Variants in CSMD3 observed in about 807,000 individuals in gnomAD.
The protein encoded by CSMD3 is CUB and Sushi multiple domains 3.
A neutral mutation model predicts 435.2 loss-of-function variants in CSMD3; 177 were observed. That is an observed-to-expected ratio of 0.41 (90% CI 0.36 to 0.46). The LOEUF is 0.46. CSMD3 is among the 20% of genes least tolerant of loss of function. CSMD3 has a pLI of 0.34. For synonymous variants in CSMD3, 1,656 were observed against 1,520.5 expected (o/e 1.09, Z -2.07); for missense variants, 4,265 against 4,504.6 (o/e 0.95, Z 1.52).
intron 32 of CSMD3, among the ~76,000 whole-genome samples, chr8:112,430,094 G>T (rs1345431111): frequency 6.6e-6 from 1 of 151,994 alleles, no homozygotes; most frequent in African/African-American, 2.4e-5. Context: ...ATCCAAGGCT[G>T]GGAGAAAAGC....
intron 23 of CSMD3, among the ~76,000 whole-genome samples, chr8:112,585,337 A>T (rs528193512): frequency 2.2e-3 from 332 of 151,482 alleles, no homozygotes; most frequent in African/African-American, 7.6e-3. Context: ...GAGGACATAA[A>T]TTTTTTAACT....
chr8:112,385,879 T>C (rs1442350638), intron 36 of CSMD3, among the ~76,000 whole-genome samples: 1 of 151,860 alleles, frequency 6.6e-6, no homozygotes, highest in East Asian at 1.9e-4. Flanking sequence ...GTCTAGTGTA[T>C]ATAGCTGAAT....
intron 16 of CSMD3, among the ~76,000 whole-genome samples, chr8:112,680,305 C>CA (rs566327763): frequency 4.3e-4 from 66 of 152,286 alleles, no homozygotes; most frequent in African/African-American, 1.5e-3. Context: ...TTGCAGTCAG[C>CA]AGAAATGGTG....
intron 5 of CSMD3, among the ~76,000 whole-genome samples, chr8:113,042,398 A>G (rs763977471): frequency 3.8e-4 from 58 of 152,294 alleles, no homozygotes; most frequent in Non-Finnish European, 1.5e-4. Context: ...CTTCTTTAAT[A>G]TCTCTCAGTG....
At chr8:112,551,807 A>G (rs1375409015) in intron 26 of CSMD3, among the ~76,000 whole-genome samples, 1 of 152,056 alleles carries the variant, frequency 6.6e-6, no homozygotes, top group African/African-American at 2.4e-5. Context: ...TTGTATATAA[A>G]TGGAATTTAT....
At chr8:113,194,239 G>C (rs182079276) in intron 3 of CSMD3, among the ~76,000 whole-genome samples, 278 of 151,262 alleles carry the variant, frequency 1.8e-3, no homozygotes, top group East Asian at 9.0e-3. Context: ...AAACTACATA[G>C]TGAAATATAC....
At chr8:113,266,736 A>C (rs558403318) in intron 3 of CSMD3, among the ~76,000 whole-genome samples, 2 of 151,754 alleles carry the variant, frequency 1.3e-5, no homozygotes, top group South Asian at 4.1e-4. Context: ...GCTAAATGTG[A>C]GCATTTTTTC....
chr8:113,250,703 A>G (rs536372630), intron 3 of CSMD3, among the ~76,000 whole-genome samples: 2 of 152,106 alleles, frequency 1.3e-5, no homozygotes, highest in African/African-American at 2.4e-5. Flanking sequence ...GCTTGTTAGT[A>G]GGTAGACATA....
intron 59 of CSMD3, among the ~76,000 whole-genome samples, chr8:112,280,303 C>T (rs1818500944): frequency 6.6e-6 from 1 of 152,046 alleles, no homozygotes; most frequent in South Asian, 2.1e-4. Context: ...CAGGGTCTCA[C>T]TCTGTCACCC....
At chr8:112,784,430 A>C (rs1251922162) in intron 13 of CSMD3, among the ~76,000 whole-genome samples, 1 of 152,036 alleles carries the variant, frequency 6.6e-6, no homozygotes, top group Non-Finnish European at 1.5e-5. Flanking sequence ...AGATCAGAGC[A>C]GAAATAAAGA....
At chr8:112,562,720 T>C (rs933888146) in intron 24 of CSMD3, among the ~76,000 whole-genome samples, 3 of 151,752 alleles carry the variant, frequency 2.0e-5, no homozygotes, top group African/African-American at 7.2e-5. Flanking sequence ...CTATATTTAA[T>C]ATTTGGTGAT....
At chr8:112,742,668 A>T (rs1863088) in intron 13 of CSMD3, among the ~76,000 whole-genome samples, 50,425 of 151,762 alleles carry the variant, frequency 0.33, 9,237 homozygotes, top group African/African-American at 0.5. Flanking sequence ...AAATAGAAAC[A>T]TGACCCATCT....
intron 42 of CSMD3, among the ~76,000 whole-genome samples, chr8:112,340,713 T>C (rs1473549845): frequency 6.6e-6 from 1 of 152,118 alleles, no homozygotes; most frequent in Non-Finnish European, 1.5e-5. Context: ...CATGAAATAA[T>C]ATAATAGCAA....
At chr8:113,225,028 A>G (rs1430833030) in intron 3 of CSMD3, among the ~76,000 whole-genome samples, 1 of 151,378 alleles carries the variant, frequency 6.6e-6, no homozygotes, top group African/African-American at 2.4e-5. Flanking sequence ...CTTAATATGA[A>G]TCTGATCATT....
At chr8:112,547,836 G>A (rs1044875316) in intron 27 of CSMD3, among the ~76,000 whole-genome samples, 14 of 152,124 alleles carry the variant, frequency 9.2e-5, no homozygotes, top group Non-Finnish European at 1.6e-4. Context: ...TTAATGAAAA[G>A]ATGAGTTTGA....
At chr8:113,220,536 T>C (rs1563564021) in intron 3 of CSMD3, among the ~76,000 whole-genome samples, 1 of 151,436 alleles carries the variant, frequency 6.6e-6, no homozygotes, top group East Asian at 1.9e-4. Context: ...CAAAGGCCTA[T>C]ACATATAAAA....
Position 112,274,083 on chromosome 8 carries a change from T to C in CSMD3, c.9508+7091A>G, listed in dbSNP as rs573658695. Among the ~76,000 whole-genome samples the C allele has an allele frequency of 8.5e-4, 130 of 152,144 alleles. 1 individual carries two copies. Among genetic ancestry groups the C allele is most frequent in the Non-Finnish European group, 1.7e-3 (116 of 68,018 alleles). On this transcript the variant is annotated intron_variant, in intron 59 of 70. Transcript: ENST00000297405. ...AAGAGTTTTAAAGGCTACGGTGGGATAGTGTTAAGTTGTTCACTATTGCAA... is the reference window on the plus strand; with the variant it reads ...AAGAGTTTTAAAGGCTACGGTGGGACAGTGTTAAGTTGTTCACTATTGCAA...
At position 112,247,049 on chromosome 8, in the gene CSMD3, G is replaced by A. The variant is rs200226365; in HGVS notation, c.10193C>T (p.Thr3398Met). 9.3e-6 allele frequency: 15 copies of A among 1,613,572 alleles called. No individual in the cohort carries two copies. The highest frequency in any genetic ancestry group is 1.7e-4 in the Middle Eastern group (1 of 6,058). The change falls in exon 64 of 71, where the codon ACG (threonine) becomes ATG (methionine). Residue 3398 changes from threonine (T) to methionine (M), a missense_variant. Physicochemically the swap from Thr to Met is moderately conservative, Grantham distance 81. Transcript: ENST00000297405. ...GCATTCAGGCTGAATCCCACTCCAC[G>A]TAAGATCAGGGAGGCAGGTGCGTGT... Reference protein sequence around the residue: ...STTRTCLPDLTWSGIQPECIP... With the variant: ...STTRTCLPDLMWSGIQPECIP...
At chr8:112,709,489 T>A (rs551271601) in intron 13 of CSMD3, among the ~76,000 whole-genome samples, 134 of 152,202 alleles carry the variant, frequency 8.8e-4, no homozygotes, top group Middle Eastern at 6.8e-3. Flanking sequence ...AAACACTTGG[T>A]TTTTAATGAA....
Sources: gnomAD v4.1 joint callset for allele counts (sites outside exome capture counted in the v4.1 genomes callset) on GRCh38, gnomAD v4.1.1 for gene constraint, MANE v1.5 for transcripts, NCBI Gene and HGNC (gene_info 2026-07-23, HGNC 2026-07-21) for gene names.